The following CTNNA2 variants were observed in gnomAD, a reference collection of about 807,000 sequenced individuals.
CTNNA2 encodes catenin alpha 2.
CTNNA2 carries 42 observed loss-of-function variants against 101.0 expected under a neutral mutation model. The ratio of observed to expected loss-of-function variants is 0.42; its 90% confidence interval spans 0.32 to 0.54. The LOEUF is 0.54. Among genes scored for constraint, CTNNA2 ranks in the 20% least tolerant of loss-of-function variants. The pLI is 0.14. For missense variants in CTNNA2, 871 were observed against 1,223.1 expected, an observed-to-expected ratio of 0.71 and a Z score of 4.29; for synonymous variants, 450 against 456.4, an observed-to-expected ratio of 0.99 and a Z score of 0.18.
chr2:79,394,237 T>C (rs1678206178), intron 4 of CTNNA2, among the ~76,000 whole-genome samples: 1 of 152,228 alleles, frequency 6.6e-6, no homozygotes, highest in African/African-American at 2.4e-5. Context: ...TGACAATCAC[T>C]GAGTTTCTTC....
intron 9 of CTNNA2, among the ~76,000 whole-genome samples, chr2:80,422,012 A>G (rs766794708): frequency 2.0e-5 from 3 of 152,160 alleles, no homozygotes; most frequent in Non-Finnish European, 4.4e-5. Context: ...TGGATTTTCT[A>G]TGTACATAGT....
At chr2:80,461,364 C>A (rs1057502704) in intron 9 of CTNNA2, among the ~76,000 whole-genome samples, 1 of 152,054 alleles carries the variant, frequency 6.6e-6, no homozygotes, top group African/African-American at 2.4e-5. Context: ...AGTAATTTTT[C>A]ATCCACTGAC....
chr2:79,250,159 G>A (rs1674751417), intron 2 of CTNNA2, among the ~76,000 whole-genome samples: 1 of 152,190 alleles, frequency 6.6e-6, no homozygotes, highest in South Asian at 2.1e-4. Flanking sequence ...CCTTTGCAAT[G>A]AAGATTAGGT....
chr2:79,444,333 C>A (rs923600787), intron 4 of CTNNA2, among the ~76,000 whole-genome samples: 1 of 151,948 alleles, frequency 6.6e-6, no homozygotes, highest in African/African-American at 2.4e-5. Context: ...TACAAATATT[C>A]TATAGGAAAA....
intron 2 of CTNNA2, among the ~76,000 whole-genome samples, chr2:79,215,568 A>G (rs1674244213): frequency 6.6e-6 from 1 of 151,948 alleles, no homozygotes; most frequent in Admixed American, 6.6e-5. Flanking sequence ...GAATAAGACG[A>G]CCTTTTGACC....
chr2:79,277,770 A>G (rs1404022836), intron 2 of CTNNA2, among the ~76,000 whole-genome samples: 1 of 152,100 alleles, frequency 6.6e-6, no homozygotes, highest in African/African-American at 2.4e-5. Context: ...AAAGTGGCGA[A>G]TGGGACCATC....
chr2:79,712,014 C>A (rs1188908648), intron 2 of CTNNA2, among the ~76,000 whole-genome samples: 1 of 152,066 alleles, frequency 6.6e-6, no homozygotes, highest in East Asian at 1.9e-4. Flanking sequence ...TTGCCAACTA[C>A]AGGATAAAAA....
chr2:79,705,383 T>C (rs1180148520), intron 2 of CTNNA2, among the ~76,000 whole-genome samples: 7 of 152,224 alleles, frequency 4.6e-5, no homozygotes, highest in Non-Finnish European at 1.0e-4. Flanking sequence ...TATTTTGTTA[T>C]TAGTTATTGT....
In CTNNA2 at chr2:80,574,326, C is replaced by A; in HGVS notation, c.1893+12C>A. On this transcript the variant is annotated intron_variant, in intron 13 of 18. Transcript: ENST00000402739. ...TGCTGATGATCAGGGTATGTGAGGCCTCTGTAGCTCAGAGCTGGTCAGATC... is the reference window on the plus strand; with the variant it reads ...TGCTGATGATCAGGGTATGTGAGGCATCTGTAGCTCAGAGCTGGTCAGATC... 6.3e-7 allele frequency: 1 copy of A among 1,598,474 alleles called. No homozygotes were observed. The highest frequency in any genetic ancestry group is 8.6e-7 in the Non-Finnish European group (1 of 1,168,616).
At chr2:80,240,321 G>C (rs1369820860) in intron 7 of CTNNA2, among the ~76,000 whole-genome samples, 2 of 152,154 alleles carry the variant, frequency 1.3e-5, no homozygotes, top group Non-Finnish European at 2.9e-5. Flanking sequence ...AAAATAACTT[G>C]AACTCAACCC....
chr2:79,422,159 A>T (rs992884109), intron 4 of CTNNA2, among the ~76,000 whole-genome samples: 2 of 152,050 alleles, frequency 1.3e-5, no homozygotes, highest in Non-Finnish European at 1.5e-5. Context: ...TCTCAAAAAC[A>T]AACAAACAGT....
chr2:80,498,010 G>C (rs556840422), intron 9 of CTNNA2, among the ~76,000 whole-genome samples: 4 of 152,252 alleles, frequency 2.6e-5, no homozygotes, highest in East Asian at 1.9e-4. Context: ...GATAATAAAC[G>C]TGGGTTGCTA....
At chr2:79,551,127 GA>G (rs901940001) in intron 1 of CTNNA2, among the ~76,000 whole-genome samples, 1 of 152,060 alleles carries the variant, frequency 6.6e-6, no homozygotes, top group Admixed American at 6.5e-5. Context: ...GCAAACCAAA[GA>G]AAAAAACTGA....
intron 4 of CTNNA2, among the ~76,000 whole-genome samples, chr2:79,375,324 A>G (rs1479859897): frequency 1.3e-5 from 2 of 152,168 alleles, no homozygotes; most frequent in Non-Finnish European, 2.9e-5. Context: ...AGCTTTTTGT[A>G]AGAATTGCAG....
Position 79,857,878 on chromosome 2 carries a change from A to G in CTNNA2, c.299-135A>G, listed in dbSNP as rs148972878. 39 of 882,634 alleles carry G rather than the reference A, an allele frequency of 4.4e-5. No homozygotes were observed. In the African/African-American group the frequency reaches 5.8e-4, roughly 13 times the overall value. 54.7% of individuals were successfully genotyped at this position (882,634 alleles called of 1,614,324 possible). On this transcript the variant is annotated intron_variant, in intron 3 of 18. Transcript: ENST00000402739. ...TTGACTTAAAGGGCTCTTTGCTGCA[A>G]TAGAGGTGGCAGAAATACCACCTGG...
chr2:80,010,453 G>T (rs983416953), intron 7 of CTNNA2, among the ~76,000 whole-genome samples: 1 of 152,090 alleles, frequency 6.6e-6, no homozygotes, highest in South Asian at 2.1e-4. Context: ...CTACAGGCAC[G>T]TGCCACCATG....
At chr2:80,487,761 A>T (rs1686710714) in intron 9 of CTNNA2, among the ~76,000 whole-genome samples, 1 of 152,214 alleles carries the variant, frequency 6.6e-6, no homozygotes, top group South Asian at 2.1e-4. Context: ...GAATCCTAAA[A>T]GAAACTTATC....
At position 79,346,570 on chromosome 2, in the gene CTNNA2, G is replaced by A. The variant is rs183249657; in HGVS notation, c.-317-27261G>A. ...CAGAAGTCCAAGATCCCTCCTTGAA[G>A]CCCATTGGAAGAAACCCACATCTGT... On this transcript the variant is annotated intron_variant, in intron 3 of 21. Transcript: ENST00000466387. 2.6e-3 allele frequency among the ~76,000 whole-genome samples: 393 copies of A among 152,186 alleles called. 1 individual carries two copies. The highest frequency in any genetic ancestry group is 8.9e-3 in the African/African-American group (369 of 41,536).
chr2:80,612,161 G>A (rs1471984805), intron 17 of CTNNA2, among the ~76,000 whole-genome samples: 1 of 151,516 alleles, frequency 6.6e-6, no homozygotes, highest in African/African-American at 2.4e-5. Context: ...GGGTTTAGGG[G>A]AGAGGTTTGA....
Sources: gnomAD v4.1 joint callset for allele counts (sites outside exome capture counted in the v4.1 genomes callset) on GRCh38, gnomAD v4.1.1 for gene constraint, MANE v1.5 for transcripts, NCBI Gene and HGNC (gene_info 2026-07-23, HGNC 2026-07-21) for gene names.